NELL1: variants seen among roughly 807,000 people sequenced by gnomAD.
The protein encoded by NELL1 is neural EGFL like 1, also known as protein kinase C-binding protein NELL1.
A neutral mutation model predicts 107.4 loss-of-function variants in NELL1; 76 were observed. That is an observed-to-expected ratio of 0.71 (90% CI 0.59 to 0.86). NELL1 has a LOEUF of 0.86. Ranked by LOEUF, NELL1 falls within the 40% of genes least tolerant of loss-of-function variation. The pLI is 0.00. For missense variants in NELL1, 1,024 were observed against 1,005.5 expected (o/e 1.02, Z -0.25); for synonymous variants, 353 against 341.2 (o/e 1.03, Z -0.38).
At position 21,273,554 on chromosome 11, in the gene NELL1, A is replaced by G. The variant is rs1205231307; in HGVS notation, c.1549+44100A>G. ...TTCAAATTCAGGAAAGACAGAGAAC[A>G]CCACAAAGATGCTCCTCGAGAAGAG... On this transcript the variant is annotated intron_variant, in intron 14 of 19. Coordinates refer to ENST00000357134, the MANE Select transcript of NELL1 (RefSeq NM_006157.5). Among the ~76,000 whole-genome samples, 6 of 152,304 alleles carry G rather than the reference A, an allele frequency of 3.9e-5. No individual in the cohort carries two copies. In the East Asian group the frequency reaches 1.2e-3, roughly 29 times the overall value.
At chr11:20,890,749 A>G (rs1320413874) in intron 5 of NELL1, among the ~76,000 whole-genome samples, 1 of 152,052 alleles carries the variant, frequency 6.6e-6, no homozygotes, top group Admixed American at 6.6e-5. Context: ...ACCAAGCAGA[A>G]AAAAGGACAT....
chr11:20,689,275 T>C (rs1854390212), intron 2 of NELL1, among the ~76,000 whole-genome samples: 1 of 151,736 alleles, frequency 6.6e-6, no homozygotes, highest in African/African-American at 2.4e-5. Context: ...AAGCCCTTTT[T>C]TTATTTTTTA....
intron 3 of NELL1, among the ~76,000 whole-genome samples, chr11:20,795,391 C>A (rs1490504011): frequency 1.3e-5 from 2 of 152,142 alleles, no homozygotes; most frequent in East Asian, 3.8e-4. Flanking sequence ...ATGTATATTT[C>A]TAATGTGATA....
intron 15 of NELL1, among the ~76,000 whole-genome samples, chr11:21,393,470 T>A (rs1851922332): frequency 6.6e-6 from 1 of 151,744 alleles, no homozygotes; most frequent in Non-Finnish European, 1.5e-5. Context: ...TAAAAAAAAT[T>A]CTGTGGCTGA....
intron 2 of NELL1, among the ~76,000 whole-genome samples, chr11:20,690,072 C>A (rs1854421018): frequency 6.6e-6 from 1 of 152,202 alleles, no homozygotes; most frequent in South Asian, 2.1e-4. Context: ...CTTCTGGCTG[C>A]ATAAATGTCT....
At chr11:20,966,911 C>T (rs1851398256) in intron 12 of NELL1, among the ~76,000 whole-genome samples, 1 of 149,786 alleles carries the variant, frequency 6.7e-6, no homozygotes, top group Non-Finnish European at 1.5e-5. Flanking sequence ...AGTTCAAATT[C>T]AAATCCTGGT....
intron 3 of NELL1, among the ~76,000 whole-genome samples, chr11:20,793,851 T>G (rs951063610): frequency 3.9e-5 from 6 of 152,052 alleles, no homozygotes; most frequent in Non-Finnish European, 8.8e-5. Context: ...ATTTTTGAGT[T>G]GCAGAATTTT....
chr11:21,272,710 A>G (rs1215732056), intron 14 of NELL1, among the ~76,000 whole-genome samples: 1 of 152,192 alleles, frequency 6.6e-6, no homozygotes, highest in Non-Finnish European at 1.5e-5. Flanking sequence ...CAAAACTTCC[A>G]GAGGAACGAT....
At chr11:20,674,485 AC>A (rs1854000875) in intron 1 of NELL1, 1 of 1,535,912 alleles carries the variant, frequency 6.5e-7, no homozygotes, top group Non-Finnish European at 8.7e-7. Flanking sequence ...GAAATTTCCT[AC>A]AGCAGAAGAT....
At chr11:21,034,474 C>T (rs1853039328) in intron 12 of NELL1, among the ~76,000 whole-genome samples, 1 of 152,126 alleles carries the variant, frequency 6.6e-6, no homozygotes, top group Non-Finnish European at 1.5e-5. Context: ...GGCACATACT[C>T]TAAAATTGAT....
intron 2 of NELL1, among the ~76,000 whole-genome samples, chr11:20,771,229 C>G (rs903559267): frequency 6.6e-6 from 1 of 152,122 alleles, no homozygotes; most frequent in African/African-American, 2.4e-5. Flanking sequence ...CTCATTAATT[C>G]CTTTGCCTCC....
chr11:20,721,316 G>T (rs1855383856), intron 2 of NELL1, among the ~76,000 whole-genome samples: 1 of 150,874 alleles, frequency 6.6e-6, no homozygotes, highest in South Asian at 2.1e-4. Context: ...TGTATCAACA[G>T]GAAGACTGGA....
At chr11:20,905,076 G>A (rs1275004127) in intron 5 of NELL1, among the ~76,000 whole-genome samples, 1 of 150,628 alleles carries the variant, frequency 6.6e-6, no homozygotes, top group African/African-American at 2.4e-5. Flanking sequence ...CTGGCCTCCA[G>A]CAATCCTCTT....
At chr11:21,006,594 C>T (rs1018305147) in intron 12 of NELL1, among the ~76,000 whole-genome samples, 2 of 152,084 alleles carry the variant, frequency 1.3e-5, no homozygotes, top group African/African-American at 4.8e-5. Context: ...CATGCATAGT[C>T]AGTCTCTCGA....
chr11:21,374,887 CTG>C (rs10566953), intron 15 of NELL1, among the ~76,000 whole-genome samples: 23,068 of 143,580 alleles, frequency 0.16, 1,951 homozygotes, highest in African/African-American at 0.25. Flanking sequence ...CTGTGTGTGT[CTG>C]TGTGTGTGTG....
intron 2 of NELL1, among the ~76,000 whole-genome samples, chr11:20,684,204 C>G (rs1328163720): frequency 2.6e-5 from 4 of 151,576 alleles, no homozygotes; most frequent in African/African-American, 9.7e-5. Flanking sequence ...TCCAGGAATT[C>G]AAGACCAGCC....
chr11:21,521,503 T>C (rs1401513870), intron 15 of NELL1, among the ~76,000 whole-genome samples: 2 of 147,112 alleles, frequency 1.4e-5, no homozygotes, highest in Admixed American at 1.4e-4. Context: ...CCAATATTGT[T>C]CATGTCTTCT....
At chr11:21,472,240 A>AAATT (rs1854200783) in intron 15 of NELL1, among the ~76,000 whole-genome samples, 1 of 151,980 alleles carries the variant, frequency 6.6e-6, no homozygotes, top group African/African-American at 2.4e-5. Flanking sequence ...GTCTCTGGAA[A>AAATT]AATTAAATTC....
chr11:21,504,964 C>T (rs541898674), intron 15 of NELL1, among the ~76,000 whole-genome samples: 1 of 152,288 alleles, frequency 6.6e-6, no homozygotes, highest in African/African-American at 2.4e-5. Context: ...CATTGCAACA[C>T]ATCCTACACA....
Sources: allele counts gnomAD v4.1 joint callset (sites outside exome capture counted in the v4.1 genomes callset), GRCh38; gene constraint gnomAD v4.1.1; transcripts MANE v1.5; gene names NCBI Gene and HGNC (gene_info 2026-07-23, HGNC 2026-07-21).